Variants in PRELID2 observed in about 807,000 individuals in gnomAD.
PRELID2 encodes the protein PRELI domain containing 2.
Under a neutral mutation model 28.4 loss-of-function variants are expected in PRELID2, and 25 were observed. The ratio of observed to expected loss-of-function variants is 0.88; its 90% CI spans 0.64 to 1.23. The LOEUF (loss-of-function observed/expected upper bound fraction) is 1.23. Ranked by LOEUF, PRELID2 falls within the 50% of genes most tolerant of loss-of-function variation. The pLI is 0.00. For synonymous variants in PRELID2, 76 were observed against 71.6 expected, an observed-to-expected ratio of 1.06 and a Z score of -0.31; for missense variants, 201 against 214.4, an observed-to-expected ratio of 0.94 and a Z score of 0.39.
chr5:145,754,760 C>A (rs1178563724), downstream of PRELID2, among the ~76,000 whole-genome samples: 3 of 152,168 alleles, frequency 2.0e-5, no homozygotes, highest in East Asian at 5.8e-4. Flanking sequence ...ATGCATAGCT[C>A]ATTTTAAGAA....
chr5:145,517,752 C>G (rs773469748), intron 1 of PRELID2, among the ~76,000 whole-genome samples: 1 of 152,132 alleles, frequency 6.6e-6, no homozygotes, highest in African/African-American at 2.4e-5. Context: ...AAATGCCCAT[C>G]AGTAATAGAC....
chr5:145,598,753 G>C (rs1753346972), intron 1 of PRELID2, among the ~76,000 whole-genome samples: 1 of 152,082 alleles, frequency 6.6e-6, no homozygotes, highest in South Asian at 2.1e-4. Context: ...ATTCCAGTGA[G>C]AGAAACAGTA....
the PRELID2 span, among the ~76,000 whole-genome samples, chr5:145,233,520 A>AT: frequency 6.6e-6 from 1 of 152,118 alleles, no homozygotes; most frequent in East Asian, 1.9e-4. Context: ...GGACATTAGA[A>AT]TTCCTCACTG....
intron 4 of PRELID2, among the ~76,000 whole-genome samples, chr5:145,815,311 A>G (rs1754225209): frequency 6.6e-6 from 1 of 152,220 alleles, no homozygotes; most frequent in Non-Finnish European, 1.5e-5. Flanking sequence ...TAAACCACAC[A>G]GTCTATGGTA....
chr5:145,261,093 TA>T, the PRELID2 span, among the ~76,000 whole-genome samples: 1 of 152,090 alleles, frequency 6.6e-6, no homozygotes, highest in East Asian at 1.9e-4. Context: ...GAGGCAGCTA[TA>T]ATCCACCCAG....
intron 1 of PRELID2, among the ~76,000 whole-genome samples, chr5:145,671,949 CA>C (rs997251189): frequency 4.6e-5 from 7 of 152,076 alleles, no homozygotes; most frequent in African/African-American, 1.4e-4. Context: ...AATTCAGAAA[CA>C]AAAAATTATA....
At chr5:145,712,814 T>C (rs1755730963) in intron 1 of PRELID2, among the ~76,000 whole-genome samples, 1 of 151,992 alleles carries the variant, frequency 6.6e-6, no homozygotes, top group Non-Finnish European at 1.5e-5. Flanking sequence ...AGTGGGCTAT[T>C]TCAGCAGAGA....
At chr5:145,709,773 C>T (rs1240983689) in intron 1 of PRELID2, among the ~76,000 whole-genome samples, 1 of 152,154 alleles carries the variant, frequency 6.6e-6, no homozygotes, top group African/African-American at 2.4e-5. Flanking sequence ...GTAACCATTG[C>T]CAACCCCATT....
chr5:145,449,396 C>T, the PRELID2 span, among the ~76,000 whole-genome samples: 1 of 152,044 alleles, frequency 6.6e-6, no homozygotes, highest in Non-Finnish European at 1.5e-5. Context: ...TTTAGCTGTC[C>T]AGTGGCTGAT....
chr5:145,294,454 A>G, the PRELID2 span, among the ~76,000 whole-genome samples: 1 of 152,288 alleles, frequency 6.6e-6, no homozygotes, highest in Admixed American at 6.5e-5. Context: ...CAAAACTAAA[A>G]GTTCTGTATC....
At chr5:145,405,141 G>A in the PRELID2 span, among the ~76,000 whole-genome samples, 2 of 152,068 alleles carry the variant, frequency 1.3e-5, no homozygotes, top group African/African-American at 4.8e-5. Flanking sequence ...TCCCAATAAG[G>A]GGGGTATCTT....
chr5:145,640,812 T>C (rs73313759), intron 1 of PRELID2, among the ~76,000 whole-genome samples: 20,473 of 152,198 alleles, frequency 0.13, 3,896 homozygotes, highest in African/African-American at 0.43. Flanking sequence ...GATATTGGCA[T>C]GTGAACAATA....
chr5:145,826,049 A>C (rs1250553007), intron 1 of PRELID2: 1 of 985,304 alleles, frequency 1.0e-6, no homozygotes, highest in Non-Finnish European at 1.2e-6. Flanking sequence ...CTTTTCAAAC[A>C]CAATCCAGTA....
chr5:145,764,456 T>C (rs974838641), intron 6 of PRELID2, among the ~76,000 whole-genome samples: 1 of 152,206 alleles, frequency 6.6e-6, no homozygotes, highest in Non-Finnish European at 1.5e-5. Flanking sequence ...TCCCTTTCAA[T>C]AGCATTTCAG....
chr5:145,402,093 A>G, the PRELID2 span, among the ~76,000 whole-genome samples: 2 of 152,216 alleles, frequency 1.3e-5, no homozygotes, highest in Admixed American at 6.5e-5. Context: ...TGTGAAAAAC[A>G]GAAGAGTTTA....
At chr5:145,272,585 T>C in the PRELID2 span, among the ~76,000 whole-genome samples, 1 of 152,146 alleles carries the variant, frequency 6.6e-6, no homozygotes, top group African/African-American at 2.4e-5. Flanking sequence ...TCTACCCTTA[T>C]GAAACAGTGG....
intron 1 of PRELID2, among the ~76,000 whole-genome samples, chr5:145,535,240 C>T (rs1175186754): frequency 1.3e-5 from 2 of 151,714 alleles, no homozygotes; most frequent in Non-Finnish European, 2.9e-5. Flanking sequence ...TCATTTCCAC[C>T]TTATAATTTC....
chr5:145,804,579 T>C (rs183531692), intron 4 of PRELID2, among the ~76,000 whole-genome samples: 78 of 152,314 alleles, frequency 5.1e-4, no homozygotes, highest in African/African-American at 1.4e-3. Flanking sequence ...GGTAAAGCAT[T>C]GTATTAAGTT....
At chr5:145,586,319 C>T (rs1014812309) in intron 1 of PRELID2, among the ~76,000 whole-genome samples, 3 of 151,980 alleles carry the variant, frequency 2.0e-5, no homozygotes, top group African/African-American at 4.8e-5. Context: ...TTCACAATAA[C>T]CTGTCCTTCC....
Sources: allele counts gnomAD v4.1 joint callset (sites outside exome capture counted in the v4.1 genomes callset), GRCh38; gene constraint gnomAD v4.1.1; transcripts MANE v1.5; gene names NCBI Gene and HGNC (gene_info 2026-07-23, HGNC 2026-07-21).